The following PLPP3 variants were observed in gnomAD, a reference collection of about 807,000 sequenced individuals.
The protein encoded by PLPP3 is PAP2 beta.
Under a neutral mutation model 29.6 loss-of-function variants are expected in PLPP3, and 6 were observed. The ratio of observed to expected loss-of-function variants is 0.20; its 90% CI spans 0.11 to 0.40. The LOEUF (loss-of-function observed/expected upper bound fraction) is 0.40. PLPP3 is among the 10% of genes least tolerant of loss of function. PLPP3 has a pLI of 1.00. For missense variants in PLPP3, 308 were observed against 407.7 expected, an observed-to-expected ratio of 0.76 and a Z score of 2.11; for synonymous variants, 152 against 159.7, an observed-to-expected ratio of 0.95 and a Z score of 0.36.
At chr1:56,575,686 C>G (rs112236112) in intron 1 of PLPP3, among the ~76,000 whole-genome samples, 147 of 152,344 alleles carry the variant, frequency 9.6e-4, no homozygotes, top group African/African-American at 3.4e-3. Flanking sequence ...TTCAAATCGA[C>G]TTCAGTGTTA....
chr1:56,509,518 T>C (rs2100229846), intron 5 of PLPP3, among the ~76,000 whole-genome samples: 2 of 152,258 alleles, frequency 1.3e-5, no homozygotes, highest in East Asian at 3.9e-4. Flanking sequence ...AAAATGGCTG[T>C]AGTACAATGG....
At chr1:56,540,585 G>A (rs1396820218) in intron 1 of PLPP3, among the ~76,000 whole-genome samples, 2 of 152,278 alleles carry the variant, frequency 1.3e-5, no homozygotes, top group African/African-American at 2.4e-5. Flanking sequence ...TTATGTGGAT[G>A]AAGACCACAA....
chr1:56,555,811 C>A (rs1264262015), intron 1 of PLPP3, among the ~76,000 whole-genome samples: 2 of 152,156 alleles, frequency 1.3e-5, no homozygotes, highest in African/African-American at 4.8e-5. Context: ...ATTTTAAATT[C>A]AATAAAAAGT....
At chr1:56,534,635 G>A (rs1197468167) in intron 2 of PLPP3, among the ~76,000 whole-genome samples, 2 of 152,114 alleles carry the variant, frequency 1.3e-5, no homozygotes, top group East Asian at 1.9e-4. Flanking sequence ...GGGCCAGCTG[G>A]GAAAGTGGGA....
chr1:56,510,958 G>C (rs949824780), intron 5 of PLPP3, among the ~76,000 whole-genome samples: 2 of 152,174 alleles, frequency 1.3e-5, no homozygotes, highest in Non-Finnish European at 2.9e-5. Flanking sequence ...CCTGCAACCA[G>C]GCTCAGAAAC....
chr1:56,523,430 G>A (rs1159942244), intron 4 of PLPP3, among the ~76,000 whole-genome samples: 1 of 152,104 alleles, frequency 6.6e-6, no homozygotes, highest in Non-Finnish European at 1.5e-5. Flanking sequence ...ACCCTAAAAT[G>A]TTATATTTAG....
chr1:56,511,770 C>A (rs1645742540), intron 5 of PLPP3, among the ~76,000 whole-genome samples: 1 of 151,882 alleles, frequency 6.6e-6, no homozygotes, highest in Non-Finnish European at 1.5e-5. Flanking sequence ...CCTATCAGAT[C>A]AAAACTCACA....
intron 4 of PLPP3, among the ~76,000 whole-genome samples, chr1:56,519,365 C>T (rs1280733045): frequency 6.6e-6 from 1 of 152,158 alleles, no homozygotes; most frequent in Non-Finnish European, 1.5e-5. Flanking sequence ...TACATATCCC[C>T]TTGCCCCTGA....
intron 4 of PLPP3, among the ~76,000 whole-genome samples, chr1:56,520,395 C>CA (rs1298670373): frequency 2.6e-5 from 4 of 151,928 alleles, no homozygotes; most frequent in Non-Finnish European, 5.9e-5. Flanking sequence ...GCTGCATGAA[C>CA]AAAAAAACAG....
rs1645836831 is a variant in PLPP3 at position 56,524,094 on chromosome 1, T to C, written c.575+183A>G. ...AAAAGAATGAATGAATGAATGTACC[T>C]ACCCATGCTATATCGGAAGTATTGA... On this transcript the variant is annotated intron_variant, in intron 3 of 5. Transcript: ENST00000371250. This position sits in a 1 kb window ranked among gnomAD's most constrained non-coding sequence, Gnocchi z 4.3. 6.6e-6 allele frequency among the ~76,000 whole-genome samples: 1 copy of C among 152,222 alleles called. No homozygotes were observed. Among genetic ancestry groups the C allele is most frequent in the South Asian group, 2.1e-4 (1 of 4,838 alleles).
chr1:56,562,036 CAAAAAAAAAAAAAAAAAAAAAAAAAA>C (rs71048439), intron 1 of PLPP3, among the ~76,000 whole-genome samples: 2 of 50,956 alleles, frequency 3.9e-5, no homozygotes, highest in Non-Finnish European at 6.3e-5. Flanking sequence ...CTCCGTTTCA[CAAAAAAAAAAAAAAAAAAAAAAAAAA>C]AAAAAGGAAG....
intron 4 of PLPP3, among the ~76,000 whole-genome samples, chr1:56,514,565 T>C (rs58289463): frequency 0.094 from 14,291 of 152,138 alleles, 1,519 homozygotes; most frequent in African/African-American, 0.25. Context: ...TAAGGGTTTC[T>C]TCAAAAAAGA....
intron 4 of PLPP3, among the ~76,000 whole-genome samples, chr1:56,521,022 C>G (rs184443372): frequency 6.7e-6 from 1 of 150,150 alleles, no homozygotes; most frequent in African/African-American, 2.5e-5. Flanking sequence ...TTGCTTGAGC[C>G]CAGGAGTTCA....
chr1:56,520,337 A>G lies in PLPP3; in HGVS notation c.633+3486T>C, dbSNP rs571178554. Among the ~76,000 whole-genome samples, 44 of 152,194 alleles carry G rather than the reference A, an allele frequency of 2.9e-4. No homozygotes were observed. In the East Asian group the frequency reaches 6.0e-3, roughly 21 times the overall value. On this transcript the variant is annotated intron_variant, in intron 4 of 5. Coordinates refer to ENST00000371250, the MANE Select transcript of PLPP3 (RefSeq NM_003713.5). ...AAACTGTCAGTGCTAAACCTGGCTG[A>G]CCCAAATGTGATTCTCCCCAACACC...
At chr1:56,575,425 A>C (rs897731345) in intron 1 of PLPP3, among the ~76,000 whole-genome samples, 3 of 152,234 alleles carry the variant, frequency 2.0e-5, no homozygotes, top group Non-Finnish European at 4.4e-5. Context: ...AAATCAAAAA[A>C]CATCCAAAAA....
rs763340277 is a variant in PLPP3, at chr1:56,524,502, G to A, written c.350C>T (p.Thr117Met). 63 of 1,613,072 alleles carry A rather than the reference G, an allele frequency of 3.9e-5. No homozygotes were observed. Among genetic ancestry groups the A allele is most frequent in the Middle Eastern group, 1.7e-4 (1 of 6,058 alleles). Reference sequence around the variant, plus strand: ...TGCTGCCACGTAGGGGTTCTGAATCGTCGACCGCGACTTCTTCAGGTAATA... The same window carrying A: ...TGCTGCCACGTAGGGGTTCTGAATCATCGACCGCGACTTCTTCAGGTAATA... The part of the protein sequence containing the change: ...RIYYLKKSRS[T>M]IQNPYVAALY... The change falls in exon 3 of 6, where the codon ACG becomes ATG. Residue 117 changes from threonine (T) to methionine (M), a missense_variant. Physicochemically the swap from Thr to Met is moderately conservative, Grantham distance 81. Transcript: ENST00000371250. This position sits in a 1 kb window ranked among gnomAD's most constrained non-coding sequence, Gnocchi z 4.3.
At chr1:56,520,539 G>A (rs993584438) in intron 4 of PLPP3, among the ~76,000 whole-genome samples, 5 of 152,180 alleles carry the variant, frequency 3.3e-5, no homozygotes, top group South Asian at 2.1e-4. Flanking sequence ...CTGGTGGGCC[G>A]AAATTGTGTC....
chr1:56,528,678 GCAAA>G (rs1390890923), intron 2 of PLPP3, among the ~76,000 whole-genome samples: 1 of 151,864 alleles, frequency 6.6e-6, no homozygotes, highest in East Asian at 1.9e-4. Context: ...GAAGAGGAAA[GCAAA>G]CAAACAAATA....
intron 5 of PLPP3, among the ~76,000 whole-genome samples, chr1:56,507,988 C>G (rs979571591): frequency 2.6e-5 from 4 of 152,186 alleles, no homozygotes; most frequent in African/African-American, 9.6e-5. Flanking sequence ...CCCCTTAGAT[C>G]CTCTAGATGG....
Sources: gnomAD v4.1 joint callset for allele counts (sites outside exome capture counted in the v4.1 genomes callset) on GRCh38, gnomAD v4.1.1 for gene constraint, Gnocchi (gnomAD v3.1) non-coding constraint, MANE v1.5 for transcripts, NCBI Gene and HGNC (gene_info 2026-07-23, HGNC 2026-07-21) for gene names.